Variants in CDC42BPA observed in about 807,000 individuals in gnomAD.
The protein encoded by CDC42BPA is CDC42 binding protein kinase alpha.
A neutral mutation model predicts 223.5 loss-of-function variants in CDC42BPA; 80 were observed. The ratio of observed to expected loss-of-function variants is 0.36; its 90% CI spans 0.30 to 0.43. CDC42BPA has a LOEUF of 0.43. Among genes scored for constraint, CDC42BPA ranks in the 20% least tolerant of loss-of-function variants. The probability of loss-of-function intolerance (pLI) is 1.00; values close to 1 mark genes in which losing one functional copy is unlikely to be tolerated. For synonymous variants in CDC42BPA, 694 were observed against 718.6 expected (o/e 0.97, Z 0.55); for missense variants, 1,743 against 2,099.9 (o/e 0.83, Z 3.32).
chr1:227,263,412 T>C (rs181045107), intron 1 of CDC42BPA, among the ~76,000 whole-genome samples: 1 of 152,260 alleles, frequency 6.6e-6, no homozygotes, highest in Admixed American at 6.5e-5. Flanking sequence ...GTTATTTGTG[T>C]GTAACTCCAG....
intron 5 of CDC42BPA, among the ~76,000 whole-genome samples, chr1:227,183,815 C>T (rs1668334544): frequency 6.6e-6 from 1 of 152,208 alleles, no homozygotes; most frequent in Admixed American, 6.5e-5. Context: ...TTTCTACCAG[C>T]AACATGTAAG....
chr1:227,125,167 C>T (rs555690), intron 11 of CDC42BPA, among the ~76,000 whole-genome samples: 42,768 of 150,188 alleles, frequency 0.28, 6,258 homozygotes, highest in African/African-American at 0.35. Flanking sequence ...AGACAACTCA[C>T]AGAAAGTAAC....
intron 27 of CDC42BPA, among the ~76,000 whole-genome samples, chr1:227,032,968 C>T (rs1016921645): frequency 6.6e-6 from 1 of 152,186 alleles, no homozygotes; most frequent in African/African-American, 2.4e-5. Flanking sequence ...TGTTACAAAG[C>T]AGTAAGTAAC....
Position 227,028,986 on chromosome 1 carries a change from C to T in CDC42BPA, c.4103G>A (p.Ser1368Asn), listed in dbSNP as rs1236092430. Residue 1368 changes from serine (S) to asparagine (N), a missense_variant, in exon 30 of 37, where the codon AGC becomes AAC. Transcript: ENST00000366766. ...TTTAAATTTTCTGTGACGGGTCTTGCTCTGAAATAGTTCATAACAGAGGAC... is the reference window on the plus strand; with the variant it reads ...TTTAAATTTTCTGTGACGGGTCTTGTTCTGAAATAGTTCATAACAGAGGAC... ...RQVLCYELFQ[S>N]KTRHRKFKEI... 1.2e-6 allele frequency: 2 copies of T among 1,614,084 alleles called. No individual in the cohort carries two copies. Among genetic ancestry groups the T allele is most frequent in the East Asian group, 4.5e-5 (2 of 44,880 alleles).
chr1:227,148,772 C>CAAAAAAGAAAAAAAAAAAAAAAAAA (rs1187846598), intron 6 of CDC42BPA, among the ~76,000 whole-genome samples: 7 of 78,786 alleles, frequency 8.9e-5, no homozygotes, highest in Non-Finnish European at 1.5e-4. Flanking sequence ...GTCTCAAAAG[C>CAAAAAAGAAAAAAAAAAAAAAAAAA]AAAAAAAAAA....
At chr1:227,063,829 G>T (rs960136269) in intron 21 of CDC42BPA, among the ~76,000 whole-genome samples, 1 of 152,128 alleles carries the variant, frequency 6.6e-6, no homozygotes, top group African/African-American at 2.4e-5. Context: ...ATGCTGCCAA[G>T]CCTCAGATTT....
At chr1:227,016,043 C>T (rs1263608928) in intron 34 of CDC42BPA, 37 bp downstream of exon 34, 1 of 1,077,646 alleles carries the variant, frequency 9.3e-7, no homozygotes, top group Non-Finnish European at 1.4e-6. Flanking sequence ...TCCCCCCACA[C>T]CCGCCCTTTT....
intron 6 of CDC42BPA, 119 bp from the exon 7 acceptor site, chr1:227,147,678 AAAT>A (rs778445242): frequency 1.0e-3 from 547 of 543,154 alleles, no homozygotes; most frequent in Non-Finnish European, 1.5e-3. Flanking sequence ...ATTATCTGAA[AAAT>A]AATAATAATC....
chr1:227,118,970 G>A (rs576298178), intron 12 of CDC42BPA, among the ~76,000 whole-genome samples: 1 of 152,106 alleles, frequency 6.6e-6, no homozygotes, highest in South Asian at 2.1e-4. Flanking sequence ...TCAGCTAAAG[G>A]TTATTTGTTT....
intron 23 of CDC42BPA, among the ~76,000 whole-genome samples, chr1:227,041,715 C>G (rs1306318916): frequency 6.6e-6 from 1 of 152,120 alleles, no homozygotes; most frequent in African/African-American, 2.4e-5. Flanking sequence ...GTCATGAGCT[C>G]TGGTCCAACC....
chr1:227,168,497 G>GTTTTTTTTGTTTGTTTTTTTTTTT, intron 5 of CDC42BPA, among the ~76,000 whole-genome samples: 1 of 80,212 alleles, frequency 1.2e-5, no homozygotes, highest in Middle Eastern at 0.013. Flanking sequence ...CTTCCCTGGT[G>GTTTTTTTTGTTTGTTTTTTTTTTT]TTTTTTTTTT....
At chr1:227,089,626 CGT>C (rs754404766) in intron 16 of CDC42BPA, among the ~76,000 whole-genome samples, 22 of 100,068 alleles carry the variant, frequency 2.2e-4, no homozygotes, top group African/African-American at 7.1e-4. Context: ...TGGGTAATTC[CGT>C]TTTTTTTTTT....
intron 2 of CDC42BPA, among the ~76,000 whole-genome samples, chr1:227,245,415 C>T (rs144950037): frequency 0.029 from 4,350 of 151,628 alleles, 158 homozygotes; most frequent in South Asian, 0.13. Flanking sequence ...CTCAGCCTCC[C>T]GAGTAGCTGG....
At chr1:227,264,965 A>T (rs1684733579) in intron 1 of CDC42BPA, 4 of 971,802 alleles carry the variant, frequency 4.1e-6, no homozygotes, top group African/African-American at 1.6e-5. Flanking sequence ...TTCTTGTATA[A>T]CCTCATTTGG....
chr1:227,009,461 T>G (rs890614274), intron 34 of CDC42BPA, among the ~76,000 whole-genome samples: 1 of 152,156 alleles, frequency 6.6e-6, no homozygotes, highest in Non-Finnish European at 1.5e-5. Flanking sequence ...TAAGCTGGAG[T>G]GCAGTGGTGC....
intron 16 of CDC42BPA, 103 bp downstream of exon 16, chr1:227,091,783 T>C (rs1558477781): frequency 1.7e-6 from 1 of 580,674 alleles, no homozygotes; most frequent in Admixed American, 3.6e-5. Context: ...AGAAAGACTA[T>C]TAAACAAAAA....
At chr1:227,040,460 C>T (rs1671145283) in intron 23 of CDC42BPA, among the ~76,000 whole-genome samples, 1 of 152,110 alleles carries the variant, frequency 6.6e-6, no homozygotes, top group Non-Finnish European at 1.5e-5. Flanking sequence ...ATGATAATTG[C>T]TCTTCAATGC....
At chr1:227,013,886 T>C (rs1270107484) in intron 34 of CDC42BPA, among the ~76,000 whole-genome samples, 1 of 152,086 alleles carries the variant, frequency 6.6e-6, no homozygotes, top group East Asian at 1.9e-4. Context: ...TTGAAAAAAC[T>C]ACTAACTCAA....
chr1:227,130,527 T>C (rs1656862834), intron 10 of CDC42BPA, among the ~76,000 whole-genome samples: 1 of 152,108 alleles, frequency 6.6e-6, no homozygotes, highest in African/African-American at 2.4e-5. Context: ...ACATCTAAAT[T>C]GGGGGTAGAA....
Sources: allele counts gnomAD v4.1 joint callset (sites outside exome capture counted in the v4.1 genomes callset), GRCh38; gene constraint gnomAD v4.1.1; transcripts MANE v1.5; gene names NCBI Gene and HGNC (gene_info 2026-07-23, HGNC 2026-07-21).